The following ZC2HC1B variants were observed in gnomAD, a reference collection of about 807,000 sequenced individuals.
ZC2HC1B encodes zinc finger C2HC domain-containing protein 1B.
A neutral mutation model predicts 31.0 loss-of-function variants in ZC2HC1B; 36 were observed. The observed-to-expected ratio is 1.16, with a 90% CI of 0.89 to 1.54. ZC2HC1B has a LOEUF of 1.54. ZC2HC1B is among the 40% of genes most tolerant of loss of function. The probability of loss-of-function intolerance (pLI) is 0.00; values close to 1 mark genes in which losing one functional copy is unlikely to be tolerated. For synonymous variants in ZC2HC1B, 73 were observed against 88.0 expected (o/e 0.83, Z 0.95); for missense variants, 260 against 268.6 (o/e 0.97, Z 0.22).
chr6:143,897,071 G>A (rs1350407519), intron 4 of ZC2HC1B, among the ~76,000 whole-genome samples: 1 of 151,932 alleles, frequency 6.6e-6, no homozygotes, highest in Non-Finnish European at 1.5e-5. Context: ...CTTAACAATT[G>A]TTACATCTTA....
rs1480759104 is a variant in ZC2HC1B at position 143,898,663 on chromosome 6, C to G, written c.461C>G (p.Thr154Arg). 4.5e-6 allele frequency: 7 copies of G among 1,551,984 alleles called. No individual in the cohort carries two copies. Among genetic ancestry groups the G allele is most frequent in the African/African-American group, 2.7e-5 (2 of 73,056 alleles). Residue 154 changes from threonine to arginine, a missense_variant, in exon 5 of 8, where the codon ACA becomes AGA. Thr to Arg is a moderately conservative substitution (Grantham distance 71). Transcript: ENST00000237275. ...CGCCGAGTCTTTAATCCAGCTCAGACAGCAGCCAAATTGGCATCCAGAGCT... is the reference window on the plus strand; with the variant it reads ...CGCCGAGTCTTTAATCCAGCTCAGAGAGCAGCCAAATTGGCATCCAGAGCT... ...SSRRVFNPAQ[T>R]AAKLASRAQG...
intron 1 of ZC2HC1B, among the ~76,000 whole-genome samples, chr6:143,882,330 T>TA (rs1491352093): frequency 0.084 from 7,579 of 89,810 alleles, 436 homozygotes; most frequent in African/African-American, 0.17. Flanking sequence ...ATATTTTATA[T>TA]TTTTTATATA....
chr6:143,938,056 A>G lies in ZC2HC1B; in HGVS notation c.*15-86A>G, dbSNP rs1418199325. Reference sequence around the variant, plus strand: ...TGTGAATTGTTTGTAAAATAATTAAAAGTCTGAAGAGGCCTATGTTATTTA... The same window carrying G: ...TGTGAATTGTTTGTAAAATAATTAAGAGTCTGAAGAGGCCTATGTTATTTA... On this transcript the variant is annotated intron_variant, in intron 7 of 7. Coordinates refer to ENST00000237275, the MANE Select transcript of ZC2HC1B (RefSeq NM_001013623.3). This position sits in a 1 kb window ranked among gnomAD's most constrained non-coding sequence, Gnocchi z 4.2. 1.2e-5 allele frequency: 2 copies of G among 171,246 alleles called. No individual in the cohort carries two copies. Among genetic ancestry groups the G allele is most frequent in the Admixed American group, 1.3e-4 (2 of 15,990 alleles). The allele number at this position is 171,246 out of a possible 1,614,324, so 10.6% of individuals were successfully genotyped here.
At position 143,917,256 on chromosome 6, in the gene ZC2HC1B, G is replaced by T. The variant is rs1777930433; in HGVS notation, c.598+14104G>T. 6.6e-6 allele frequency among the ~76,000 whole-genome samples: 1 copy of T among 152,206 alleles called. No homozygotes were observed. The highest frequency in any genetic ancestry group is 2.4e-5 in the African/African-American group (1 of 41,456). On this transcript the variant is annotated intron_variant, in intron 6 of 7. Transcript: ENST00000237275. The surrounding 1 kb of genome is among the most constrained non-coding windows in gnomAD (Gnocchi z 4.1). ...CCACTGTGATTGTTAGGCCTTCCCA[G>T]CCACATGGAACTGTAAGTCCAATAA...
At chr6:143,892,352 G>C (rs560205088) in intron 4 of ZC2HC1B, among the ~76,000 whole-genome samples, 3 of 150,836 alleles carry the variant, frequency 2.0e-5, no homozygotes, top group Admixed American at 2.0e-4. Context: ...CTGGAGTGCA[G>C]TGGCATGATC....
At chr6:143,902,294 T>C (rs1349939535) in intron 5 of ZC2HC1B, among the ~76,000 whole-genome samples, 1 of 152,266 alleles carries the variant, frequency 6.6e-6, no homozygotes, top group Non-Finnish European at 1.5e-5. Context: ...AATATGTTTC[T>C]ATTTTAAACA....
Position 143,933,434 on chromosome 6 carries a change from G to A in ZC2HC1B, c.599-4215G>A, listed in dbSNP as rs1490868350. Reference sequence around the variant, plus strand: ...TTATGTCTTTTGTGATTCACTATTGGACCGGGTAGAGAAATACTATCAGGT... The same window carrying A: ...TTATGTCTTTTGTGATTCACTATTGAACCGGGTAGAGAAATACTATCAGGT... On this transcript the variant is annotated intron_variant, in intron 6 of 7. Coordinates refer to ENST00000237275, the MANE Select transcript of ZC2HC1B (RefSeq NM_001013623.3). This position sits in a 1 kb window ranked among gnomAD's most constrained non-coding sequence, Gnocchi z 6.4. Among the ~76,000 whole-genome samples the A allele has an allele frequency of 1.3e-5, 2 of 152,096 alleles. No individual in the cohort carries two copies. The highest frequency in any genetic ancestry group is 2.9e-5 in the Non-Finnish European group (2 of 68,016).
chr6:143,888,847 G>A (rs191612096), intron 4 of ZC2HC1B, among the ~76,000 whole-genome samples: 91 of 152,058 alleles, frequency 6.0e-4, no homozygotes, highest in Non-Finnish European at 3.1e-4. Context: ...ACAGAGATAA[G>A]TTTACTTCCC....
Position 143,895,756 on chromosome 6 carries a change from G to A in ZC2HC1B, c.350-2796G>A, listed in dbSNP as rs190143430. Among the ~76,000 whole-genome samples the A allele has an allele frequency of 2.2e-4, 34 of 152,188 alleles. No homozygotes were observed. In the South Asian group the frequency reaches 5.2e-3, roughly 23 times the overall value. ...CCATTTTGCATAGCTACATAGACAC[G>A]GATACACAGCACAATATTGGCATTT... is the stretch of plus-strand genomic sequence containing the variant. On this transcript the variant is annotated intron_variant, in intron 4 of 7. Coordinates refer to ENST00000237275, the MANE Select transcript of ZC2HC1B (RefSeq NM_001013623.3). This position sits in a 1 kb window ranked among gnomAD's most constrained non-coding sequence, Gnocchi z 4.8.
At position 143,869,844 on chromosome 6, in the gene ZC2HC1B, C is replaced by G. The variant is rs550671793; in HGVS notation, c.28+5277C>G. On this transcript the variant is annotated intron_variant, in intron 1 of 7. Transcript: ENST00000237275. The surrounding 1 kb of genome is among the most constrained non-coding windows in gnomAD (Gnocchi z 5.2). Reference sequence around the variant, plus strand: ...CTGAGTCCATGCATAACCTTCATTCCTGCCACCATGGCCACTTTGTTCATG... The same window carrying G: ...CTGAGTCCATGCATAACCTTCATTCGTGCCACCATGGCCACTTTGTTCATG... 6.6e-6 allele frequency among the ~76,000 whole-genome samples: 1 copy of G among 152,324 alleles called. No individual in the cohort carries two copies. The highest frequency in any genetic ancestry group is 1.9e-4 in the East Asian group (1 of 5,186).
chr6:143,879,944 C>T (rs1304689895), intron 1 of ZC2HC1B, among the ~76,000 whole-genome samples: 1 of 151,094 alleles, frequency 6.6e-6, no homozygotes, highest in Non-Finnish European at 1.5e-5. Context: ...TTGGCCTCAG[C>T]CTCCTGAGTA....
chr6:143,897,160 C>G (rs1400534498), intron 4 of ZC2HC1B, among the ~76,000 whole-genome samples: 1 of 152,008 alleles, frequency 6.6e-6, no homozygotes, highest in African/African-American at 2.4e-5. Context: ...ACAAAAAATT[C>G]TTAACATCAC....
At position 143,886,842 on chromosome 6, in the gene ZC2HC1B, G is replaced by A. The variant is rs979182905; in HGVS notation, c.349+21G>A. On this transcript the variant is annotated intron_variant, in intron 4 of 7. Coordinates refer to ENST00000237275, the MANE Select transcript of ZC2HC1B (RefSeq NM_001013623.3). The surrounding 1 kb of genome is among the most constrained non-coding windows in gnomAD (Gnocchi z 4.2). ...CCCAGGTGTGTAGACATTTTGGGTT[G>A]CTTTTGAGGCTATGCTTGACTTTTG... 6.7e-7 allele frequency: 1 copy of A among 1,484,126 alleles called. No homozygotes were observed. The highest frequency in any genetic ancestry group is 2.5e-5 in the Admixed American group (1 of 39,758). 91.9% of individuals were successfully genotyped at this position (1,484,126 alleles called of 1,614,324 possible).
At chr6:143,907,891 A>G (rs1281797068) in intron 6 of ZC2HC1B, among the ~76,000 whole-genome samples, 3 of 152,114 alleles carry the variant, frequency 2.0e-5, no homozygotes, top group Non-Finnish European at 4.4e-5. Flanking sequence ...ATTTTCTTCT[A>G]TGGTTTTTCT....
At chr6:143,882,334 T>TTATATATATATATATATATATATATA (rs59777839) in intron 1 of ZC2HC1B, among the ~76,000 whole-genome samples, 7 of 85,534 alleles carry the variant, frequency 8.2e-5, no homozygotes, top group African/African-American at 4.5e-4. Context: ...TTTATATTTT[T>TTATATATATATATATATATATATATA]TATATATATA....
chr6:143,911,691 C>T lies in ZC2HC1B; in HGVS notation c.598+8539C>T, dbSNP rs1777858414. Among the ~76,000 whole-genome samples, 1 of 152,122 alleles carries T rather than the reference C, an allele frequency of 6.6e-6. No individual in the cohort carries two copies. The highest frequency in any genetic ancestry group is 1.5e-5 in the Non-Finnish European group (1 of 68,024). On this transcript the variant is annotated intron_variant, in intron 6 of 7. Coordinates refer to ENST00000237275, the MANE Select transcript of ZC2HC1B (RefSeq NM_001013623.3). This position sits in a 1 kb window ranked among gnomAD's most constrained non-coding sequence, Gnocchi z 4.5. ...GTGACCTGGCCTTTCTCTCTGGCTGCCCTTAACCATTTTTTCTTTCATTTC... is the reference window on the plus strand; with the variant it reads ...GTGACCTGGCCTTTCTCTCTGGCTGTCCTTAACCATTTTTTCTTTCATTTC...
intron 1 of ZC2HC1B, among the ~76,000 whole-genome samples, chr6:143,866,195 G>T (rs985953533): frequency 3.3e-5 from 5 of 152,178 alleles, no homozygotes; most frequent in African/African-American, 1.2e-4. Context: ...TCCTTGACTC[G>T]TGGTGGGATT....
At chr6:143,866,466 C>G (rs1400679532) in intron 1 of ZC2HC1B, among the ~76,000 whole-genome samples, 4 of 152,212 alleles carry the variant, frequency 2.6e-5, no homozygotes, top group African/African-American at 9.6e-5. Context: ...GTACCACTTT[C>G]TACTGAATAC....
intron 6 of ZC2HC1B, among the ~76,000 whole-genome samples, chr6:143,927,645 G>A (rs1385764394): frequency 6.6e-6 from 1 of 152,054 alleles, no homozygotes; most frequent in African/African-American, 2.4e-5. Context: ...CTTTTCCTTT[G>A]AGTATATGCC....
Sources: allele counts gnomAD v4.1 joint callset (sites outside exome capture counted in the v4.1 genomes callset), GRCh38; gene constraint gnomAD v4.1.1; non-coding constraint Gnocchi (gnomAD v3.1); transcripts MANE v1.5; gene names NCBI Gene and HGNC (gene_info 2026-07-23, HGNC 2026-07-21).